CTNNA2: variants seen among roughly 807,000 people sequenced by gnomAD.
CTNNA2 encodes catenin alpha-2.
In CTNNA2, 42 loss-of-function variants were observed where a neutral mutation model predicts 101.0. The ratio of observed to expected loss-of-function variants is 0.42; its 90% CI spans 0.32 to 0.54. The LOEUF is 0.54. CTNNA2 is among the 20% of genes least tolerant of loss of function. The pLI is 0.14. For missense variants in CTNNA2, 871 were observed against 1,223.1 expected (o/e 0.71, Z 4.29); for synonymous variants, 450 against 456.4 (o/e 0.99, Z 0.18).
chr2:80,356,970 T>G (rs554507395), intron 7 of CTNNA2, among the ~76,000 whole-genome samples: 1 of 152,330 alleles, frequency 6.6e-6, no homozygotes, highest in Admixed American at 6.5e-5. Flanking sequence ...ATTTTTGGAT[T>G]GAATTTAGCT....
chr2:80,192,897 A>G (rs115895083), intron 7 of CTNNA2, among the ~76,000 whole-genome samples: 1,660 of 152,254 alleles, frequency 0.011, 30 homozygotes, highest in African/African-American at 0.038. Flanking sequence ...ACTCAGTCCC[A>G]CCATACTGAG....
chr2:79,352,938 G>A (rs1677424656), intron 3 of CTNNA2, among the ~76,000 whole-genome samples: 1 of 152,076 alleles, frequency 6.6e-6, no homozygotes, highest in African/African-American at 2.4e-5. Context: ...TATTCAAATG[G>A]CCAGCAGGAG....
chr2:80,044,908 G>C (rs1446528806), intron 7 of CTNNA2, among the ~76,000 whole-genome samples: 2 of 152,110 alleles, frequency 1.3e-5, no homozygotes, highest in Admixed American at 6.6e-5. Context: ...CCAATGGAGG[G>C]TTTCTGACTG....
intron 4 of CTNNA2, among the ~76,000 whole-genome samples, chr2:79,382,127 G>T (rs1405750882): frequency 6.6e-6 from 1 of 152,026 alleles, no homozygotes. Flanking sequence ...AAAGGTGGAA[G>T]AAGGGTAAAT....
chr2:79,524,140 G>T (rs1438160091), intron 1 of CTNNA2, among the ~76,000 whole-genome samples: 1 of 151,904 alleles, frequency 6.6e-6, no homozygotes, highest in African/African-American at 2.4e-5. Context: ...CTGTATTTTA[G>T]TTAGTATTAT....
At chr2:79,650,780 TC>T (rs1681184503) in intron 1 of CTNNA2, among the ~76,000 whole-genome samples, 1 of 76,808 alleles carries the variant, frequency 1.3e-5, no homozygotes, top group Non-Finnish European at 2.5e-5. Flanking sequence ...ATGCTATCCC[TC>T]CCCCCTCCCC....
intron 7 of CTNNA2, among the ~76,000 whole-genome samples, chr2:80,211,454 C>A (rs7584168): frequency 0.21 from 32,596 of 152,096 alleles, 5,158 homozygotes; most frequent in African/African-American, 0.44. Context: ...GTTTTCCCAG[C>A]ACCATTTATT....
chr2:80,000,741 G>C (rs867149231), intron 7 of CTNNA2, among the ~76,000 whole-genome samples: 4 of 152,170 alleles, frequency 2.6e-5, no homozygotes, highest in South Asian at 2.1e-4. Flanking sequence ...CTCTCTCTCT[G>C]TGCATGTCCT....
At chr2:80,139,159 G>C (rs1702860481) in intron 7 of CTNNA2, among the ~76,000 whole-genome samples, 1 of 152,138 alleles carries the variant, frequency 6.6e-6, no homozygotes, top group African/African-American at 2.4e-5. Context: ...TCTGGAGGAA[G>C]ATTTATCACT....
intron 4 of CTNNA2, among the ~76,000 whole-genome samples, chr2:79,419,377 G>T (rs548785500): frequency 1.3e-5 from 2 of 152,052 alleles, no homozygotes; most frequent in Admixed American, 1.3e-4. Flanking sequence ...GAATAATGAA[G>T]TTAGTTAATA....
chr2:79,302,412 C>T (rs535348564), intron 2 of CTNNA2, among the ~76,000 whole-genome samples: 1 of 152,246 alleles, frequency 6.6e-6, no homozygotes, highest in Non-Finnish European at 1.5e-5. Flanking sequence ...ACACCTTTCC[C>T]CTCTGTCACT....
chr2:80,594,006 A>T (rs1696733721), intron 15 of CTNNA2, among the ~76,000 whole-genome samples: 1 of 152,138 alleles, frequency 6.6e-6, no homozygotes, highest in Admixed American at 6.6e-5. Flanking sequence ...GTGGAATTGC[A>T]GGATCATATA....
intron 18 of CTNNA2, among the ~76,000 whole-genome samples, chr2:80,642,286 C>T (rs374347063): frequency 1.3e-5 from 2 of 152,146 alleles, no homozygotes; most frequent in Non-Finnish European, 2.9e-5. Flanking sequence ...TCTCCTATCC[C>T]TACTTGACTC....
At chr2:79,794,728 C>T (rs187012165) in intron 3 of CTNNA2, among the ~76,000 whole-genome samples, 12 of 152,204 alleles carry the variant, frequency 7.9e-5, no homozygotes, top group African/African-American at 2.9e-4. Context: ...TAATATACTC[C>T]ATGAATAAGA....
intron 2 of CTNNA2, among the ~76,000 whole-genome samples, chr2:79,739,047 A>G (rs1294663036): frequency 6.7e-6 from 1 of 149,346 alleles, no homozygotes; most frequent in Non-Finnish European, 1.5e-5. Context: ...TATTACTACC[A>G]GTTTTTGTTG....
intron 4 of CTNNA2, among the ~76,000 whole-genome samples, chr2:79,417,971 C>A (rs1048403219): frequency 2.6e-5 from 4 of 151,978 alleles, no homozygotes; most frequent in Admixed American, 6.6e-5. Context: ...TTATTCAAAT[C>A]AATATCAAAG....
At chr2:79,723,317 C>A (rs1234144207) in intron 2 of CTNNA2, among the ~76,000 whole-genome samples, 1 of 152,174 alleles carries the variant, frequency 6.6e-6, no homozygotes, top group Non-Finnish European at 1.5e-5. Flanking sequence ...TGAAGAGGAA[C>A]TTTTCAGTTG....
rs540360124 is a variant in CTNNA2, at chr2:79,972,990, A to C, written c.1056+63193A>C. 7.2e-5 allele frequency among the ~76,000 whole-genome samples: 11 copies of C among 152,262 alleles called. No homozygotes were observed. The East Asian group carries it at 1.9e-3, about 27-fold the overall frequency. On this transcript the variant is annotated intron_variant, in intron 7 of 18. Transcript: ENST00000402739. ...ACCATATGAACTCATGATTGATCTA[A>C]AATTATTTGGGAAACTTTCCCATTT... is the stretch of plus-strand genomic sequence containing the variant.
intron 7 of CTNNA2, among the ~76,000 whole-genome samples, chr2:79,945,421 GAA>G (rs1416161453): frequency 6.6e-6 from 1 of 152,130 alleles, no homozygotes; most frequent in African/African-American, 2.4e-5. Context: ...AATTAGGGCA[GAA>G]AAAGACTACT....
Sources: allele counts gnomAD v4.1 joint callset (sites outside exome capture counted in the v4.1 genomes callset), GRCh38; gene constraint gnomAD v4.1.1; transcripts MANE v1.5; gene names NCBI Gene and HGNC (gene_info 2026-07-23, HGNC 2026-07-21).